Variants in DNAI2 observed in about 807,000 individuals in gnomAD.
DNAI2 encodes dynein axonemal intermediate chain 2.
A neutral mutation model predicts 74.7 loss-of-function variants in DNAI2; 63 were observed. The ratio of observed to expected loss-of-function variants is 0.84; its 90% CI spans 0.69 to 1.04. The LOEUF (loss-of-function observed/expected upper bound fraction) is 1.04. Among genes scored for constraint, DNAI2 ranks in the 50% least tolerant of loss-of-function variants. The probability of loss-of-function intolerance (pLI) is 0.00; values close to 1 mark genes in which losing one functional copy is unlikely to be tolerated. For synonymous variants in DNAI2, 289 were observed against 314.9 expected, an observed-to-expected ratio of 0.92 and a Z score of 0.87; for missense variants, 688 against 803.2, an observed-to-expected ratio of 0.86 and a Z score of 1.73.
rs763193003 is a variant in DNAI2 at position 74,301,159 on chromosome 17, A to T, written c.978A>T (p.Glu326Asp). Residue 326 changes from glutamate (E) to aspartate (D), a missense_variant, in exon 8 of 14, where the codon GAA (glutamate) becomes GAT (aspartate). Physicochemically the swap from Glu to Asp is conservative, Grantham distance 45. Coordinates refer to ENST00000311014, the MANE Select transcript of DNAI2 (RefSeq NM_023036.6). ...TGGGGGCCATCTCCCTGGAGTTCGA[A>T]TCTACTTTGGTGAGTGTCCCTTGCT... ...NALGAISLEF[E>D]STLPTKFMVG... The T allele has an allele frequency of 3.1e-6, 5 of 1,613,632 alleles. No individual in the cohort carries two copies. The highest frequency in any genetic ancestry group is 1.7e-5 in the Admixed American group (1 of 59,988).
At position 74,278,111 on chromosome 17, in the gene DNAI2, T is replaced by C. The variant is rs969652577; in HGVS notation, c.-11-3696T>C. Among the ~76,000 whole-genome samples, 5 of 152,210 alleles carry C rather than the reference T, an allele frequency of 3.3e-5. No individual in the cohort carries two copies. The South Asian group carries it at 6.2e-4, about 19-fold the overall frequency. ...ACTGAAGAACTGTGACCTTTGGCCCTGTATTAATACTTCATCTCTCCAGGC... is the reference window on the plus strand; with the variant it reads ...ACTGAAGAACTGTGACCTTTGGCCCCGTATTAATACTTCATCTCTCCAGGC... On this transcript the variant is annotated intron_variant, in intron 1 of 13. Transcript: ENST00000311014.
At chr17:74,304,186 CTTTTTTT>C (rs56696514) in intron 8 of DNAI2, among the ~76,000 whole-genome samples, 27 of 67,654 alleles carry the variant, frequency 4.0e-4, no homozygotes, top group Admixed American at 7.9e-4. Context: ...TTTCTTTTTT[CTTTTTTT>C]TTTTTTTTTT....
At chr17:74,295,646 ATT>A (rs60402619) in intron 6 of DNAI2, among the ~76,000 whole-genome samples, 13 of 151,196 alleles carry the variant, frequency 8.6e-5, no homozygotes, top group East Asian at 7.8e-4. Context: ...ATGTCTTATA[ATT>A]TTTTTTTTAT....
intron 4 of DNAI2, 75 bp from the exon 5 acceptor site, chr17:74,289,519 A>G (rs2051951632): frequency 2.1e-6 from 3 of 1,410,306 alleles, no homozygotes; most frequent in Non-Finnish European, 2.9e-6. Flanking sequence ...ACTCCATCTG[A>G]CAAAAAAAAA....
intron 1 of DNAI2, chr17:74,281,433 A>G: frequency 2.3e-6 from 1 of 440,256 alleles, no homozygotes; most frequent in Non-Finnish European, 4.0e-6. Flanking sequence ...TAATTTTTGT[A>G]TTTTTGCAGA....
At chr17:74,279,780 C>G (rs544181693) in intron 1 of DNAI2, among the ~76,000 whole-genome samples, 1 of 152,196 alleles carries the variant, frequency 6.6e-6, no homozygotes, top group Non-Finnish European at 1.5e-5. Context: ...CCACCGGCCT[C>G]GGCCACCCAA....
chr17:74,286,106 G>A (rs1396821324), intron 3 of DNAI2, among the ~76,000 whole-genome samples: 4 of 151,480 alleles, frequency 2.6e-5, no homozygotes, highest in African/African-American at 7.3e-5. Flanking sequence ...GACCAGCCTG[G>A]CCAACATAGC....
chr17:74,289,714 C>T lies in DNAI2; in HGVS notation c.588C>T (p.Ser196=), dbSNP rs1359353945. 6 of 1,613,802 alleles carry T rather than the reference C, an allele frequency of 3.7e-6. No homozygotes were observed. The highest frequency in any genetic ancestry group is 1.3e-5 in the African/African-American group (1 of 74,864). Residue 196 remains serine, a synonymous_variant, in exon 5 of 14, where the codon AGC becomes AGT. Coordinates refer to ENST00000311014, the MANE Select transcript of DNAI2 (RefSeq NM_023036.6). ...DFQRAPVGMS[S]DSYIWDLENP... ...AGCGGGCACCTGTGGGCATGAGCAG[C>T]GATTCATACATCTGGGACCTGGGTG... is the stretch of plus-strand genomic sequence containing the variant.
intron 1 of DNAI2, among the ~76,000 whole-genome samples, chr17:74,274,654 G>A (rs1014735637): frequency 3.9e-5 from 6 of 152,094 alleles, no homozygotes; most frequent in African/African-American, 1.4e-4. Flanking sequence ...GGAGACCTCT[G>A]AAGGATTTAC....
chr17:74,304,044 C>T (rs941235797), intron 8 of DNAI2, among the ~76,000 whole-genome samples: 1 of 151,846 alleles, frequency 6.6e-6, no homozygotes, highest in Non-Finnish European at 1.5e-5. Context: ...ACTGCTTGAG[C>T]CCAGAAGGTC....
chr17:74,297,261 A>ATT (rs527624967), intron 6 of DNAI2, among the ~76,000 whole-genome samples: 3 of 135,434 alleles, frequency 2.2e-5, no homozygotes, highest in South Asian at 2.4e-4. Flanking sequence ...AATGTTTTGT[A>ATT]TTTTTTTTTT....
In DNAI2 at chr17:74,289,105, C is replaced by A. The variant is rs545118328; in HGVS notation, c.468-489C>A. 2.1e-4 allele frequency among the ~76,000 whole-genome samples: 32 copies of A among 152,318 alleles called. No individual in the cohort carries two copies. The South Asian group carries it at 6.2e-3, about 30-fold the overall frequency. On this transcript the variant is annotated intron_variant, in intron 4 of 13. Coordinates refer to ENST00000311014, the MANE Select transcript of DNAI2 (RefSeq NM_023036.6). ...CTGACTCATGGTGTGCAAGCAGGGC[C>A]AGTGGCTGTCAGCAAGGGGTGTGCA...
At chr17:74,310,882 T>C (rs1030520666) in intron 11 of DNAI2, among the ~76,000 whole-genome samples, 9 of 151,766 alleles carry the variant, frequency 5.9e-5, no homozygotes, top group Non-Finnish European at 1.2e-4. Context: ...TATTTTATTT[T>C]ACTTCATTTT....
intron 2 of DNAI2, among the ~76,000 whole-genome samples, chr17:74,283,385 A>G (rs538430982): frequency 2.0e-4 from 30 of 152,188 alleles, no homozygotes; most frequent in African/African-American, 7.2e-4. Flanking sequence ...AGGTGGGAGG[A>G]TGCTTGAGGC....
intron 4 of DNAI2, among the ~76,000 whole-genome samples, chr17:74,288,229 TC>T (rs1388857803): frequency 6.6e-6 from 1 of 152,224 alleles, no homozygotes; most frequent in African/African-American, 2.4e-5. Context: ...GCTGTTCACC[TC>T]TTTATTATAA....
Position 74,314,249 on chromosome 17 carries a change from G to C in DNAI2, c.*33G>C, listed in dbSNP as rs376701847. ...CCTTCGACTGCGGCGCTATCCCTGT[G>C]TGCCTTCCTTTCCCACCTCTTGGTA... is the stretch of plus-strand genomic sequence containing the variant. On this transcript the variant is annotated 3_prime_UTR_variant, in exon 13 of 14. Transcript: ENST00000311014. The C allele has an allele frequency of 1.5e-5, 24 of 1,613,222 alleles. No homozygotes were observed. The highest frequency in any genetic ancestry group is 3.3e-5 in the Admixed American group (2 of 59,956).
chr17:74,278,983 C>T (rs913935333), intron 1 of DNAI2, among the ~76,000 whole-genome samples: 12 of 152,058 alleles, frequency 7.9e-5, no homozygotes, highest in African/African-American at 2.2e-4. Flanking sequence ...CTGGCTAACA[C>T]GGTGAAACCC....
intron 7 of DNAI2, 112 bp downstream of exon 7, chr17:74,299,969 A>G: frequency 3.4e-6 from 5 of 1,482,220 alleles, no homozygotes; most frequent in Non-Finnish European, 4.6e-6. Context: ...TTATTTTGAG[A>G]TGGAGTTTCA....
intron 4 of DNAI2, 43 bp from the exon 5 acceptor site, chr17:74,289,551 A>G (rs1252523154): frequency 6.3e-7 from 1 of 1,599,838 alleles, no homozygotes; most frequent in East Asian, 2.2e-5. Flanking sequence ...GAAATTGGGG[A>G]ACCTCACATC....
Sources: allele counts gnomAD v4.1 joint callset (sites outside exome capture counted in the v4.1 genomes callset), GRCh38; gene constraint gnomAD v4.1.1; transcripts MANE v1.5; gene names NCBI Gene and HGNC (gene_info 2026-07-23, HGNC 2026-07-21).